Variants in TTC28 observed in about 807,000 individuals in gnomAD.
The protein encoded by TTC28 is tetratricopeptide repeat domain 28.
A neutral mutation model predicts 198.0 loss-of-function variants in TTC28; 61 were observed. That is an observed-to-expected ratio of 0.31 (90% CI 0.25 to 0.38). TTC28 has a LOEUF of 0.38. TTC28 is among the 10% of genes least tolerant of loss of function. TTC28 has a pLI of 1.00. For synonymous variants in TTC28, 1,171 were observed against 1,297.8 expected (o/e 0.90, Z 2.10); for missense variants, 2,678 against 3,164.0 (o/e 0.85, Z 3.69).
At chr22:28,073,979 G>C (rs1007464244) in intron 12 of TTC28, among the ~76,000 whole-genome samples, 18 of 152,206 alleles carry the variant, frequency 1.2e-4, no homozygotes, top group Non-Finnish European at 2.5e-4. Flanking sequence ...GGACAGTACT[G>C]TGTGAGTTGT....
intron 2 of TTC28, among the ~76,000 whole-genome samples, chr22:28,343,639 T>C (rs1020111563): frequency 1.3e-5 from 2 of 152,182 alleles, no homozygotes; most frequent in Non-Finnish European, 2.9e-5. Flanking sequence ...TAAGTGAGAT[T>C]TGTAGAATGT....
chr22:28,135,949 C>G (rs1353320364), intron 6 of TTC28, among the ~76,000 whole-genome samples: 1 of 152,164 alleles, frequency 6.6e-6, no homozygotes, highest in Non-Finnish European at 1.5e-5. Flanking sequence ...TAAAGCAGTG[C>G]TCCTCAAACT....
intron 2 of TTC28, among the ~76,000 whole-genome samples, chr22:28,594,637 T>C (rs552325770): frequency 6.6e-6 from 1 of 152,138 alleles, no homozygotes; most frequent in Non-Finnish European, 1.5e-5. Context: ...TAGTATAATA[T>C]AGTATAAAGC....
At chr22:28,673,223 A>G (rs570038508) in intron 1 of TTC28, among the ~76,000 whole-genome samples, 28 of 152,130 alleles carry the variant, frequency 1.8e-4, no homozygotes, top group Non-Finnish European at 2.9e-4. Flanking sequence ...AAATACAAAA[A>G]TTTAGCTAGA....
Position 28,430,536 on chromosome 22 carries a change from A to C in TTC28, c.382-123893T>G, listed in dbSNP as rs2047415244. Among the ~76,000 whole-genome samples the C allele has an allele frequency of 2.0e-5, 3 of 152,182 alleles. No homozygotes were observed. In the South Asian group the frequency reaches 6.2e-4, roughly 32 times the overall value. On this transcript the variant is annotated intron_variant, in intron 2 of 22. Transcript: ENST00000397906. The stretch of plus-strand genomic sequence containing the variant: ...CCAAAGGAGTGCAAACAAAATGAGA[A>C]TGGCAAACATTCAAAGATAAACTAG...
At chr22:28,453,890 C>G (rs2047820500) in intron 2 of TTC28, among the ~76,000 whole-genome samples, 1 of 152,218 alleles carries the variant, frequency 6.6e-6, no homozygotes, top group African/African-American at 2.4e-5. Context: ...AATATAAAAT[C>G]CAAAGGCTTT....
At chr22:28,504,248 T>A (rs1457469124) in intron 2 of TTC28, among the ~76,000 whole-genome samples, 4 of 152,202 alleles carry the variant, frequency 2.6e-5, no homozygotes, top group African/African-American at 9.6e-5. Context: ...TTCATAAGCA[T>A]ATTTTTTAAA....
chr22:28,174,908 T>C (rs751044625), intron 5 of TTC28, among the ~76,000 whole-genome samples: 4 of 152,126 alleles, frequency 2.6e-5, no homozygotes, highest in East Asian at 1.9e-4. Flanking sequence ...GTTGGTTCCT[T>C]TGTTCATTCA....
Position 28,053,705 on chromosome 22 carries a change from A to C in TTC28, c.3933-23339T>G, listed in dbSNP as rs147891052. ...TGCCTTTGACTGCACATATTCCAGG[A>C]GCCCTGGAATCCAGAAAAGTAGTTA... On this transcript the variant is annotated intron_variant, in intron 12 of 22. Transcript: ENST00000397906. 2.9e-3 allele frequency among the ~76,000 whole-genome samples: 436 copies of C among 152,298 alleles called. 1 individual carries two copies. The highest frequency in any genetic ancestry group is 4.8e-3 in the Admixed American group (73 of 15,298).
intron 6 of TTC28, among the ~76,000 whole-genome samples, chr22:28,137,757 G>A (rs1376764945): frequency 1.3e-5 from 2 of 152,098 alleles, no homozygotes; most frequent in African/African-American, 2.4e-5. Context: ...GCTCACACCT[G>A]TAATCCCAGC....
intron 2 of TTC28, among the ~76,000 whole-genome samples, chr22:28,543,580 C>T (rs1223993221): frequency 1.3e-5 from 2 of 151,952 alleles, no homozygotes; most frequent in Admixed American, 6.6e-5. Flanking sequence ...ATCTGAAGAA[C>T]TTTGTATCTA....
At chr22:28,580,746 A>T (rs1009274707) in intron 2 of TTC28, among the ~76,000 whole-genome samples, 4 of 152,214 alleles carry the variant, frequency 2.6e-5, no homozygotes, top group African/African-American at 9.6e-5. Context: ...ATCTGGTATT[A>T]ATTCCTAAAG....
At chr22:28,656,697 G>C (rs1028924237) in intron 1 of TTC28, among the ~76,000 whole-genome samples, 5 of 152,042 alleles carry the variant, frequency 3.3e-5, no homozygotes, top group South Asian at 2.1e-4. Context: ...TAATCATCTC[G>C]TGCTACTCTG....
intron 1 of TTC28, among the ~76,000 whole-genome samples, chr22:28,634,960 T>G (rs1196310578): frequency 6.6e-6 from 1 of 152,172 alleles, no homozygotes; most frequent in Non-Finnish European, 1.5e-5. Context: ...TTTCTCAGAT[T>G]ATATATATGT....
rs561386136 is a variant in TTC28 at position 28,140,479 on chromosome 22, A to T, written c.1441+22613T>A. On this transcript the variant is annotated intron_variant, in intron 6 of 22. Transcript: ENST00000397906. ...CCCAGCCTCTGGAAGACATGACCTT[A>T]GAAACTCTGCAGAACTTTTCTGTCA... 5.9e-5 allele frequency among the ~76,000 whole-genome samples: 9 copies of T among 152,358 alleles called. 1 individual carries two copies. In the South Asian group the frequency reaches 1.9e-3, roughly 32 times the overall value.
At chr22:28,214,212 T>C (rs575431834) in intron 5 of TTC28, among the ~76,000 whole-genome samples, 16 of 152,178 alleles carry the variant, frequency 1.1e-4, no homozygotes, top group African/African-American at 3.9e-4. Flanking sequence ...ATTCAGGACA[T>C]AGGCATGGCC....
intron 12 of TTC28, among the ~76,000 whole-genome samples, chr22:28,033,480 C>T (rs1049745151): frequency 3.9e-5 from 6 of 152,130 alleles, no homozygotes; most frequent in African/African-American, 1.4e-4. Context: ...TGTGTAAGAA[C>T]TACAGGGGCT....
chr22:27,990,961 A>G (rs1192723615), intron 19 of TTC28, 149 bp from the exon 20 acceptor site: 3 of 768,920 alleles, frequency 3.9e-6, no homozygotes, highest in East Asian at 2.8e-5. Context: ...GAGAGGAGCA[A>G]GAGTCAGCAG....
chr22:28,498,966 A>G (rs2048497291), intron 2 of TTC28, among the ~76,000 whole-genome samples: 1 of 152,042 alleles, frequency 6.6e-6, no homozygotes, highest in Non-Finnish European at 1.5e-5. Context: ...GCTTGAGCCC[A>G]GGAGTTTGAA....
Sources: gnomAD v4.1 joint callset for allele counts (sites outside exome capture counted in the v4.1 genomes callset) on GRCh38, gnomAD v4.1.1 for gene constraint, MANE v1.5 for transcripts, NCBI Gene and HGNC (gene_info 2026-07-23, HGNC 2026-07-21) for gene names.